Variants in ACTMAP observed in about 807,000 individuals in gnomAD.
The protein encoded by ACTMAP is UPF0692 protein C19orf54.
At chr19:40,744,910 T>G in the ACTMAP span, 1 of 793,948 alleles carries the variant, frequency 1.3e-6, no homozygotes, top group Non-Finnish European at 2.0e-6. Context: ...CAAGGTGGAG[T>G]TAGAGAGATG....
the ACTMAP span, among the ~76,000 whole-genome samples, chr19:40,746,411 T>G: frequency 2.0e-4 from 30 of 151,868 alleles, no homozygotes; most frequent in African/African-American, 5.3e-4. Flanking sequence ...TTTTGTTTTT[T>G]TTTGAGACAG....
chr19:40,749,678 T>G, the ACTMAP span: 2 of 1,535,036 alleles, frequency 1.3e-6, no homozygotes, highest in Middle Eastern at 1.7e-4. Context: ...AGGGAGGGGA[T>G]GGTAAAGCTG....
chr19:40,742,451 TG>T, the ACTMAP span: 1 of 1,465,502 alleles, frequency 6.8e-7, no homozygotes, highest in Non-Finnish European at 9.0e-7. Flanking sequence ...TGCAGTCCTG[TG>T]GTGTGAGGAG....
At chr19:40,741,655 G>A in the ACTMAP span, 10 of 449,268 alleles carry the variant, frequency 2.2e-5, no homozygotes, top group East Asian at 7.0e-5. Flanking sequence ...CCAGGAGACA[G>A]CCTGGCTGAG....
At chr19:40,740,871 C>T in the ACTMAP span, 3 of 398,036 alleles carry the variant, frequency 7.5e-6, no homozygotes, top group African/African-American at 6.2e-5. Flanking sequence ...TGTCGTAGAG[C>T]TTTTTATTTT....
At chr19:40,744,786 C>T in the ACTMAP span, 6 of 1,436,232 alleles carry the variant, frequency 4.2e-6, no homozygotes, top group Admixed American at 7.7e-5. Flanking sequence ...GTCCCCCTCC[C>T]CTCTCCCAGG....
chr19:40,749,596 G>T, the ACTMAP span: 1 of 1,550,846 alleles, frequency 6.4e-7, no homozygotes. Flanking sequence ...AAGACATGAC[G>T]GGGAGCAGGC....
At chr19:40,743,492 C>T in the ACTMAP span, among the ~76,000 whole-genome samples, 16 of 152,246 alleles carry the variant, frequency 1.1e-4, no homozygotes, top group Non-Finnish European at 1.3e-4. Context: ...CTTGGCCTCC[C>T]GAAGTGCTGG....
chr19:40,749,386 G>GC, the ACTMAP span: 3 of 1,281,566 alleles, frequency 2.3e-6, no homozygotes, highest in South Asian at 4.2e-5. Context: ...CAGCCTGTTT[G>GC]ATCTTGAGGA....
At chr19:40,742,717 C>T in the ACTMAP span, 1 of 1,612,030 alleles carries the variant, frequency 6.2e-7, no homozygotes, top group Admixed American at 1.7e-5. Flanking sequence ...CCCGGCAGCT[C>T]AGGGTCCTCA....
the ACTMAP span, chr19:40,744,516 A>G: frequency 9.9e-6 from 16 of 1,608,330 alleles, no homozygotes; most frequent in Non-Finnish European, 1.4e-5. Flanking sequence ...CTCTGGTCCC[A>G]GCCTCATGAA....
At chr19:40,743,786 A>C in the ACTMAP span, 2 of 1,292,994 alleles carry the variant, frequency 1.5e-6, no homozygotes, top group Non-Finnish European at 2.2e-6. Context: ...CCCGGTGCTA[A>C]TGCTAAGTGC....
chr19:40,746,641 C>T, the ACTMAP span, among the ~76,000 whole-genome samples: 12 of 152,194 alleles, frequency 7.9e-5, no homozygotes, highest in Admixed American at 1.3e-4. Context: ...TACCAAAGTG[C>T]TGGGATCACA....
chr19:40,741,474 T>G, the ACTMAP span: 1 of 282,112 alleles, frequency 3.5e-6, no homozygotes, highest in Non-Finnish European at 7.2e-6. Flanking sequence ...CTCTGTAGTT[T>G]CCCTAAATGA....
chr19:40,743,877 G>C, the ACTMAP span: 1 of 1,611,208 alleles, frequency 6.2e-7, no homozygotes, highest in Admixed American at 1.7e-5. Flanking sequence ...CCAGGTTGAG[G>C]GGTGCAGACA....
the ACTMAP span, chr19:40,750,047 C>G: frequency 4.9e-6 from 2 of 405,992 alleles, no homozygotes; most frequent in Admixed American, 4.6e-5. Flanking sequence ...AAATCCGGAA[C>G]CGGATCTGTG....
chr19:40,743,125 G>A, the ACTMAP span, among the ~76,000 whole-genome samples: 3 of 152,136 alleles, frequency 2.0e-5, no homozygotes, highest in Non-Finnish European at 4.4e-5. Context: ...AGCCTCCCCC[G>A]GACCTCCTGA....
the ACTMAP span, chr19:40,740,862 G>A: frequency 2.5e-6 from 1 of 397,796 alleles, no homozygotes; most frequent in Non-Finnish European, 4.4e-6. Context: ...CAGAGCCAAT[G>A]TCGTAGAGCT....
the ACTMAP span, among the ~76,000 whole-genome samples, chr19:40,747,181 G>C: frequency 6.6e-6 from 1 of 152,064 alleles, no homozygotes; most frequent in Admixed American, 6.6e-5. Flanking sequence ...TGCGGACTCA[G>C]AGCTCCTGGT....
Sources: gnomAD v4.1 joint callset for allele counts (sites outside exome capture counted in the v4.1 genomes callset) on GRCh38, gnomAD v4.1.1 for gene constraint, MANE v1.5 for transcripts, NCBI Gene and HGNC (gene_info 2026-07-23, HGNC 2026-07-21) for gene names.